The following PRMT8 variants were observed in gnomAD, a reference collection of about 807,000 sequenced individuals.
PRMT8 encodes the protein protein arginine N-methyltransferase 8.
In PRMT8, 7 loss-of-function variants were observed where a neutral mutation model predicts 47.1. The observed-to-expected ratio is 0.15, with a 90% CI of 0.08 to 0.28. The LOEUF (loss-of-function observed/expected upper bound fraction) is 0.28, where lower values mean the gene tolerates loss of function less well. Among genes scored for constraint, PRMT8 ranks in the 10% least tolerant of loss-of-function variants. The probability of loss-of-function intolerance (pLI) is 1.00; values close to 1 mark genes in which losing one functional copy is unlikely to be tolerated. For synonymous variants in PRMT8, 188 were observed against 186.5 expected, an observed-to-expected ratio of 1.01 and a Z score of -0.07; for missense variants, 237 against 505.4, an observed-to-expected ratio of 0.47 and a Z score of 5.09.
In PRMT8 at chr12:3,409,197, C is replaced by A. The variant is rs1864402459; in HGVS notation, c.48+27755C>A. 6.6e-6 allele frequency among the ~76,000 whole-genome samples: 1 copy of A among 152,168 alleles called. No individual in the cohort carries two copies. Among genetic ancestry groups the A allele is most frequent in the Non-Finnish European group, 1.5e-5 (1 of 68,038 alleles). ...AGCTGGTGTCGGTGACTCTGAGGCA[C>A]ACTGCAGCAGCTCAGGCCCTGCTGG... On this transcript the variant is annotated intron_variant, in intron 1 of 9. Coordinates refer to the PRMT8 transcript ENST00000452611. The surrounding 1 kb of genome is among the most constrained non-coding windows in gnomAD (Gnocchi z 4.4).
chr12:3,588,704 A>G (rs1487699734), intron 8 of PRMT8, among the ~76,000 whole-genome samples: 2 of 152,244 alleles, frequency 1.3e-5, no homozygotes, highest in Non-Finnish European at 2.9e-5. Flanking sequence ...GGTCATGCTC[A>G]CTTCAAAATG....
chr12:3,495,491 C>T (rs1017449128), intron 1 of PRMT8, among the ~76,000 whole-genome samples: 1 of 152,194 alleles, frequency 6.6e-6, no homozygotes, highest in Non-Finnish European at 1.5e-5. Flanking sequence ...CCTGCAAGAC[C>T]CAGCTCAAAC....
intron 4 of PRMT8, among the ~76,000 whole-genome samples, chr12:3,554,617 C>T (rs1449993651): frequency 6.6e-6 from 1 of 152,152 alleles, no homozygotes; most frequent in African/African-American, 2.4e-5. Context: ...CTGCAGAGTT[C>T]CAAAAGGTGG....
At chr12:3,485,990 G>A (rs1865319239) in intron 1 of PRMT8, among the ~76,000 whole-genome samples, 1 of 152,152 alleles carries the variant, frequency 6.6e-6, no homozygotes, top group African/African-American at 2.4e-5. Context: ...TTTCAGGTCG[G>A]GTTGCCCTGA....
chr12:3,509,434 T>G (rs1335756296), intron 1 of PRMT8, among the ~76,000 whole-genome samples: 1 of 152,236 alleles, frequency 6.6e-6, no homozygotes, highest in African/African-American at 2.4e-5. Flanking sequence ...GTTCCTGCTG[T>G]CTCAGCGCAT....
intron 2 of PRMT8, among the ~76,000 whole-genome samples, chr12:3,548,283 T>A (rs1866360171): frequency 6.6e-6 from 1 of 151,088 alleles, no homozygotes; most frequent in South Asian, 2.1e-4. Flanking sequence ...CAGACAAAGA[T>A]CAGACAGGGC....
intron 1 of PRMT8, among the ~76,000 whole-genome samples, chr12:3,429,945 C>A (rs1660431148): frequency 6.6e-6 from 1 of 152,204 alleles, no homozygotes; most frequent in Non-Finnish European, 1.5e-5. Flanking sequence ...CTGTTAATCA[C>A]CTTGCTTCCA....
intron 1 of PRMT8, among the ~76,000 whole-genome samples, chr12:3,437,622 CTATA>C (rs57504454): frequency 0.046 from 6,526 of 142,638 alleles, 261 homozygotes; most frequent in African/African-American, 0.12. Context: ...TGCATTCAGG[CTATA>C]TATATATATA....
Position 3,532,672 on chromosome 12 carries a change from C to T in PRMT8, c.76-7934C>T, listed in dbSNP as rs1018388458. Among the ~76,000 whole-genome samples the T allele has an allele frequency of 2.7e-5, 4 of 148,204 alleles. No individual in the cohort carries two copies. In the South Asian group the frequency reaches 6.5e-4, roughly 24 times the overall value. On this transcript the variant is annotated intron_variant, in intron 1 of 9. Transcript: ENST00000382622. ...CTCTCTTTAGCTTATCTGCCCAAAC[C>T]TACTTGCCATGGAACCTTTTTCTAG...
intron 1 of PRMT8, among the ~76,000 whole-genome samples, chr12:3,437,681 G>T (rs34451631): frequency 6.7e-5 from 10 of 150,072 alleles, no homozygotes; most frequent in Non-Finnish European, 1.3e-4. Flanking sequence ...TGGGAGTGTA[G>T]TATACCTAAC....
At chr12:3,399,570 A>G (rs548816171) in intron 1 of PRMT8, among the ~76,000 whole-genome samples, 13 of 152,094 alleles carry the variant, frequency 8.5e-5, no homozygotes, top group Non-Finnish European at 1.5e-5. Context: ...TGTACAGAAA[A>G]CCATATCAGG....
intron 2 of PRMT8, among the ~76,000 whole-genome samples, chr12:3,549,370 A>T (rs1395114919): frequency 6.6e-6 from 1 of 152,200 alleles, no homozygotes; most frequent in Non-Finnish European, 1.5e-5. Flanking sequence ...ATGGCCAAAG[A>T]TCCCTACCTC....
chr12:3,402,309 A>C (rs1370787432), intron 1 of PRMT8, among the ~76,000 whole-genome samples: 1 of 152,210 alleles, frequency 6.6e-6, no homozygotes, highest in East Asian at 1.9e-4. Context: ...TCCTTACGTC[A>C]TATACAAAAA....
chr12:3,425,445 C>A (rs1225961512), intron 1 of PRMT8, among the ~76,000 whole-genome samples: 1 of 152,242 alleles, frequency 6.6e-6, no homozygotes, highest in Non-Finnish European at 1.5e-5. Flanking sequence ...AAAACTCTAA[C>A]TGCCATTTTT....
intron 1 of PRMT8, among the ~76,000 whole-genome samples, chr12:3,422,955 G>A (rs750671506): frequency 6.6e-6 from 1 of 152,230 alleles, no homozygotes; most frequent in Admixed American, 6.5e-5. Context: ...TTGTGCTGAA[G>A]CATTTTGGTG....
intron 1 of PRMT8, among the ~76,000 whole-genome samples, chr12:3,396,604 C>G (rs947801468): frequency 4.2e-4 from 64 of 152,172 alleles, no homozygotes; most frequent in African/African-American, 1.5e-3. Context: ...ATGGGCTTCC[C>G]TTTGTGGGTA....
rs540794841 is a variant in PRMT8, at chr12:3,557,549, T to C, written c.481+3835T>C. 6.6e-6 allele frequency among the ~76,000 whole-genome samples: 1 copy of C among 152,320 alleles called. No individual in the cohort carries two copies. The highest frequency in any genetic ancestry group is 1.9e-4 in the East Asian group (1 of 5,184). The stretch of plus-strand genomic sequence containing the variant: ...GGCTCACCCAGCGGAGCTGGGTCTC[T>C]TCTGTGCCCTCCTCAGAGAAGTGCT... On this transcript the variant is annotated intron_variant, in intron 4 of 9. Coordinates refer to ENST00000382622, the MANE Select transcript of PRMT8 (RefSeq NM_019854.5). The surrounding 1 kb of genome is among the most constrained non-coding windows in gnomAD (Gnocchi z 4.7).
chr12:3,436,093 G>A lies in PRMT8; in HGVS notation c.48+54651G>A, dbSNP rs1864738392. ...TGAGGTTGGGCAAAGGCTTGGCTCTGGTTGCCCTGTGACTTTGAGTGAAGG... is the reference window on the plus strand; with the variant it reads ...TGAGGTTGGGCAAAGGCTTGGCTCTAGTTGCCCTGTGACTTTGAGTGAAGG... On this transcript the variant is annotated intron_variant, in intron 1 of 9. Transcript: ENST00000452611. The surrounding 1 kb of genome is among the most constrained non-coding windows in gnomAD (Gnocchi z 4.2). 6.6e-6 allele frequency among the ~76,000 whole-genome samples: 1 copy of A among 152,100 alleles called. No individual in the cohort carries two copies. The highest frequency in any genetic ancestry group is 2.4e-5 in the African/African-American group (1 of 41,416).
intron 1 of PRMT8, among the ~76,000 whole-genome samples, chr12:3,393,262 G>C (rs1386240737): frequency 1.3e-5 from 2 of 151,968 alleles, no homozygotes; most frequent in Non-Finnish European, 2.9e-5. Flanking sequence ...CATTGCTTTT[G>C]GTGTTTTAGA....
Sources: gnomAD v4.1 joint callset for allele counts (sites outside exome capture counted in the v4.1 genomes callset) on GRCh38, gnomAD v4.1.1 for gene constraint, Gnocchi (gnomAD v3.1) non-coding constraint, MANE v1.5 for transcripts, NCBI Gene and HGNC (gene_info 2026-07-23, HGNC 2026-07-21) for gene names.